MCTP2: variants seen among roughly 807,000 people sequenced by gnomAD.
The protein encoded by MCTP2 is multiple C2 and transmembrane domain-containing protein 2.
In MCTP2, 132 loss-of-function variants were observed where a neutral mutation model predicts 111.6. That is an observed-to-expected ratio of 1.18 (90% confidence interval 1.03 to 1.37). The LOEUF (loss-of-function observed/expected upper bound fraction) is 1.37. MCTP2 is among the 40% of genes most tolerant of loss of function. MCTP2 has a pLI of 0.00. For missense variants in MCTP2, 1,183 were observed against 1,067.9 expected (o/e 1.11, Z -1.50); for synonymous variants, 395 against 387.7 (o/e 1.02, Z -0.22).
chr15:94,371,018 G>A (rs771139486), intron 12 of MCTP2, among the ~76,000 whole-genome samples: 12 of 151,914 alleles, frequency 7.9e-5, no homozygotes, highest in Admixed American at 2.6e-4. Context: ...TATTCGTACA[G>A]CCTCTAAATT....
Position 94,464,239 on chromosome 15 carries a change from A to T in MCTP2, c.2360+5993A>T, listed in dbSNP as rs796898401. Among the ~76,000 whole-genome samples the T allele has an allele frequency of 6.7e-3, 595 of 89,224 alleles. 14 individuals are homozygous for T. Among genetic ancestry groups the T allele is most frequent in the African/African-American group, 0.025 (531 of 21,154 alleles). The allele number at this position is 89,224 out of a possible 152,430, so 58.5% of individuals were successfully genotyped here. ...TGAAATATTATATGTTTATATATAT[A>T]ATATATATATATATATATTATATAT... On this transcript the variant is annotated intron_variant, in intron 20 of 22. Transcript: ENST00000357742.
At chr15:94,421,985 T>A (rs1158817079) in intron 17 of MCTP2, among the ~76,000 whole-genome samples, 1 of 152,190 alleles carries the variant, frequency 6.6e-6, no homozygotes. Context: ...ACAAAGTGTT[T>A]CAATGAGAGG....
chr15:94,312,156 C>T (rs2076173932), intron 2 of MCTP2, among the ~76,000 whole-genome samples: 1 of 152,182 alleles, frequency 6.6e-6, no homozygotes, highest in South Asian at 2.1e-4. Flanking sequence ...GCACCGTTTA[C>T]TCTTGGCTCT....
intron 18 of MCTP2, among the ~76,000 whole-genome samples, chr15:94,440,695 T>C (rs1368342087): frequency 6.6e-6 from 1 of 152,182 alleles, no homozygotes; most frequent in Non-Finnish European, 1.5e-5. Flanking sequence ...GGCCTTTCCA[T>C]GAAGGCACCT....
In MCTP2 at chr15:94,298,382, G is replaced by A. The variant is rs61735133; in HGVS notation, c.117G>A (p.Arg39=). 1,521 of 1,614,138 alleles carry A rather than the reference G, an allele frequency of 9.4e-4. 14 individuals are homozygous for A. The African/African-American group carries it at 0.017, about 19-fold the overall frequency. ...ACCCAAGTAAGCCCCCAGATCTACG[G>A]GCAAGGCATCACTTGGACCGCCGTC... is the stretch of plus-strand genomic sequence containing the variant. ...KKNPSKPPDL[R]ARHHLDRRLS... is the part of the protein sequence containing the mutation. The change falls in exon 2 of 23, where the codon CGG becomes CGA. Residue 39 remains arginine, a synonymous_variant. Coordinates refer to ENST00000357742, the MANE Select transcript of MCTP2 (RefSeq NM_001385001.1).
chr15:94,450,472 C>T (rs1409916474), intron 19 of MCTP2, among the ~76,000 whole-genome samples: 1 of 152,194 alleles, frequency 6.6e-6, no homozygotes, highest in African/African-American at 2.4e-5. Context: ...TTTTTAATTT[C>T]ATGTATCAGA....
intron 17 of MCTP2, among the ~76,000 whole-genome samples, chr15:94,424,928 C>T (rs896407572): frequency 6.6e-6 from 1 of 151,928 alleles, no homozygotes; most frequent in Non-Finnish European, 1.5e-5. Flanking sequence ...AATCTAGATA[C>T]ACATTCTTTG....
At chr15:94,249,819 C>G (rs545383656) in intron 1 of MCTP2, among the ~76,000 whole-genome samples, 1 of 152,178 alleles carries the variant, frequency 6.6e-6, no homozygotes, top group African/African-American at 2.4e-5. Flanking sequence ...CTTCAGGTAG[C>G]TGTCATGAGT....
chr15:94,378,772 A>G (rs1276677167), intron 12 of MCTP2, among the ~76,000 whole-genome samples: 1 of 152,194 alleles, frequency 6.6e-6, no homozygotes, highest in Non-Finnish European at 1.5e-5. Flanking sequence ...TATTTGTCCT[A>G]GAGAAGGCCA....
At chr15:94,253,067 A>G (rs1023651393) in intron 1 of MCTP2, among the ~76,000 whole-genome samples, 2 of 152,040 alleles carry the variant, frequency 1.3e-5, no homozygotes, top group Non-Finnish European at 2.9e-5. Flanking sequence ...TTTCTGCAAC[A>G]TTTGCAATTG....
In MCTP2 at chr15:94,458,121, C is replaced by A; in HGVS notation, c.2251-16C>A. 6.9e-7 allele frequency: 1 copy of A among 1,459,824 alleles called. No homozygotes were observed. The highest frequency in any genetic ancestry group is 9.6e-7 in the Non-Finnish European group (1 of 1,041,094). The allele number at this position is 1,459,824 out of a possible 1,614,324, so 90.4% of individuals were successfully genotyped here. On this transcript the variant is annotated splice_polypyrimidine_tract_variant and intron_variant, in intron 19 of 22. Transcript: ENST00000357742. The stretch of plus-strand genomic sequence containing the variant: ...AATGAAGTAACTGAGTTAAATCTTG[C>A]TTTTATGTTTTCTAGGAATCTGAGA...
chr15:94,350,179 A>G (rs925914774), intron 8 of MCTP2, among the ~76,000 whole-genome samples: 45 of 152,234 alleles, frequency 3.0e-4, no homozygotes, highest in African/African-American at 1.1e-3. Flanking sequence ...AAAAAGCAGG[A>G]GATGTAAGGA....
chr15:94,470,351 CCCCT>C lies in MCTP2; in HGVS notation c.2380_2383del (p.Pro794SerfsTer8). 6.2e-7 allele frequency: 1 copy of C among 1,610,396 alleles called. No individual in the cohort carries two copies. The highest frequency in any genetic ancestry group is 8.5e-7 in the Non-Finnish European group (1 of 1,176,648). On this transcript the variant is annotated frameshift_variant, in exon 21 of 23. Transcript: ENST00000357742. LOFTEE classifies it high-confidence loss of function. ...TCTACAGCACATTTAACTGGACGGT[CCCCT>C]TCCTTTCATCTCTGGCCTGTTTGAT... is the stretch of plus-strand genomic sequence containing the variant.
intron 17 of MCTP2, among the ~76,000 whole-genome samples, chr15:94,409,936 C>G (rs372520915): frequency 1.2e-4 from 18 of 148,632 alleles, no homozygotes; most frequent in African/African-American, 4.5e-4. Context: ...TTTATCCCCT[C>G]TACTCTGCCT....
chr15:94,298,144 G>A (rs1426332978), intron 1 of MCTP2, 57 bp from the exon 2 acceptor site: 1 of 747,280 alleles, frequency 1.3e-6, no homozygotes, highest in Non-Finnish European at 2.1e-6. Context: ...CCACCAAGAA[G>A]GTTCATGTTT....
intron 13 of MCTP2, among the ~76,000 whole-genome samples, 153 bp downstream of exon 13, chr15:94,384,277 G>A (rs1394519316): frequency 1.3e-5 from 2 of 151,940 alleles, no homozygotes; most frequent in African/African-American, 2.4e-5. Flanking sequence ...TTTATAGAGT[G>A]TGGTGTTAAT....
intron 14 of MCTP2, among the ~76,000 whole-genome samples, chr15:94,390,576 A>G (rs1038444349): frequency 6.6e-6 from 1 of 152,138 alleles, no homozygotes; most frequent in Non-Finnish European, 1.5e-5. Context: ...TACCCTTTCA[A>G]AATTACCCAA....
intron 17 of MCTP2, among the ~76,000 whole-genome samples, chr15:94,409,341 C>A (rs888177026): frequency 6.6e-6 from 1 of 152,016 alleles, no homozygotes; most frequent in Non-Finnish European, 1.5e-5. Flanking sequence ...CTGCAGATGG[C>A]CTATTGTGGG....
chr15:94,296,707 T>C (rs1354123805), intron 1 of MCTP2, among the ~76,000 whole-genome samples: 1 of 152,218 alleles, frequency 6.6e-6, no homozygotes, highest in Admixed American at 6.5e-5. Context: ...TCGTCCCCAC[T>C]GGGTGGGTGA....
Sources: allele counts gnomAD v4.1 joint callset (sites outside exome capture counted in the v4.1 genomes callset), GRCh38; gene constraint gnomAD v4.1.1; transcripts MANE v1.5; gene names NCBI Gene and HGNC (gene_info 2026-07-23, HGNC 2026-07-21).